The following DORIP1 variants were observed in gnomAD, a reference collection of about 807,000 sequenced individuals.
The protein encoded by DORIP1 is dopamine receptor-interacting protein 1.
chr14:44,904,165 T>C, the DORIP1 span: 1 of 985,202 alleles, frequency 1.0e-6, no homozygotes, highest in Non-Finnish European at 1.2e-6. Flanking sequence ...TAGCCAGCAT[T>C]TCCTGGAGTT....
the DORIP1 span, chr14:44,900,879 T>C: frequency 1.2e-6 from 2 of 1,614,034 alleles, no homozygotes; most frequent in Non-Finnish European, 1.7e-6. Flanking sequence ...ATCTCATGTC[T>C]ACCATTCAAG....
chr14:44,904,001 G>T, the DORIP1 span: 6 of 980,098 alleles, frequency 6.1e-6, no homozygotes, highest in African/African-American at 1.8e-5. Context: ...GAAACAATTT[G>T]TTCATGCTTA....
the DORIP1 span, chr14:44,900,454 G>A: frequency 2.0e-6 from 3 of 1,530,350 alleles, no homozygotes; most frequent in Non-Finnish European, 2.6e-6. Context: ...ACTGTTTGAA[G>A]AGATCAAAGC....
the DORIP1 span, chr14:44,905,246 C>A: frequency 1.6e-6 from 1 of 624,486 alleles, no homozygotes; most frequent in Non-Finnish European, 2.5e-6. Flanking sequence ...AGATGGATAT[C>A]TTTTTCAGGG....
chr14:44,904,424 G>A, the DORIP1 span: 5 of 1,610,352 alleles, frequency 3.1e-6, no homozygotes, highest in East Asian at 6.7e-5. Context: ...TTTTCCCAAC[G>A]AATTTTCTGC....
chr14:44,905,365 AG>A, the DORIP1 span: 3 of 1,495,424 alleles, frequency 2.0e-6, no homozygotes, highest in African/African-American at 1.4e-5. Context: ...TTTAATTTGC[AG>A]GTATTTGTTG....
chr14:44,904,598 T>C, the DORIP1 span: 2 of 1,393,492 alleles, frequency 1.4e-6, no homozygotes, highest in Non-Finnish European at 1.9e-6. Flanking sequence ...ATTATGATTT[T>C]GACTAGCCCT....
At chr14:44,899,208 A>T in the DORIP1 span, 3 of 152,232 alleles carry the variant, frequency 2.0e-5, no homozygotes, top group African/African-American at 4.8e-5. Context: ...ATATAACACA[A>T]CATATTTATT....
the DORIP1 span, chr14:44,904,125 G>A: frequency 1.0e-6 from 1 of 985,294 alleles, no homozygotes; most frequent in Non-Finnish European, 1.2e-6. Context: ...CAGTTCTGCA[G>A]AGTTATGCTT....
At chr14:44,903,505 C>T in the DORIP1 span, 51 of 1,159,094 alleles carry the variant, frequency 4.4e-5, no homozygotes, top group Non-Finnish European at 5.3e-5. Flanking sequence ...TCTTTTTTCC[C>T]CCCCCACTGC....
chr14:44,906,376 T>C, the DORIP1 span: 2 of 152,072 alleles, frequency 1.3e-5, no homozygotes, highest in Admixed American at 6.6e-5. Flanking sequence ...GGACTAGCAA[T>C]AGAAATGCAC....
the DORIP1 span, chr14:44,897,605 C>A: frequency 6.2e-6 from 1 of 160,236 alleles, no homozygotes; most frequent in African/African-American, 2.4e-5. Flanking sequence ...CGGAGACTGG[C>A]CGGTGTGGGA....
the DORIP1 span, chr14:44,900,546 T>G: frequency 6.2e-7 from 1 of 1,607,880 alleles, no homozygotes; most frequent in South Asian, 1.1e-5. Context: ...CTATCAAAGC[T>G]GGCCGCAAAG....
the DORIP1 span, chr14:44,901,107 T>A: frequency 4.9e-5 from 37 of 747,828 alleles, no homozygotes; most frequent in Non-Finnish European, 7.7e-5. Flanking sequence ...ATATTTAGTA[T>A]ACCTTTCTAT....
the DORIP1 span, chr14:44,903,289 G>T: frequency 1.9e-6 from 3 of 1,610,798 alleles, no homozygotes; most frequent in Non-Finnish European, 2.5e-6. Context: ...ACTGTGTGAA[G>T]AGCATGGGTG....
the DORIP1 span, chr14:44,904,581 CTGTTA>C: frequency 1.3e-6 from 2 of 1,491,504 alleles, no homozygotes; most frequent in South Asian, 1.3e-5. Flanking sequence ...AAAATTTATC[CTGTTA>C]TATTATGATT....
chr14:44,904,467 G>A, the DORIP1 span: 1 of 1,612,222 alleles, frequency 6.2e-7, no homozygotes, highest in Non-Finnish European at 8.5e-7. Context: ...TCTTAAATAT[G>A]CAACATTGGA....
chr14:44,900,621 C>T, the DORIP1 span: 2 of 1,609,480 alleles, frequency 1.2e-6, no homozygotes, highest in African/African-American at 2.7e-5. Context: ...TAGATGGATT[C>T]TTGATGTTAT....
chr14:44,903,574 A>T, the DORIP1 span: 47 of 1,048,320 alleles, frequency 4.5e-5, no homozygotes, highest in Non-Finnish European at 5.1e-5. Flanking sequence ...ACCCTCAATT[A>T]TCTGGATTTT....
Sources: gnomAD v4.1 joint callset for allele counts on GRCh38, gnomAD v4.1.1 for gene constraint, MANE v1.5 for transcripts, NCBI Gene and HGNC (gene_info 2026-07-23, HGNC 2026-07-21) for gene names.